The following RAPGEF6 variants were observed in gnomAD, a reference collection of about 807,000 sequenced individuals.
The protein encoded by RAPGEF6 is Rap guanine nucleotide exchange factor 6.
In RAPGEF6, 56 loss-of-function variants were observed where a neutral mutation model predicts 171.4. The ratio of observed to expected loss-of-function variants is 0.33; its 90% CI spans 0.26 to 0.41. The LOEUF (loss-of-function observed/expected upper bound fraction) is 0.41. Ranked by LOEUF, RAPGEF6 falls within the 10% of genes least tolerant of loss-of-function variation. RAPGEF6 has a pLI of 1.00. For synonymous variants in RAPGEF6, 692 were observed against 650.1 expected, an observed-to-expected ratio of 1.06 and a Z score of -0.98; for missense variants, 1,674 against 1,921.4, an observed-to-expected ratio of 0.87 and a Z score of 2.41.
intron 13 of RAPGEF6, among the ~76,000 whole-genome samples, chr5:131,493,134 G>C (rs905659832): frequency 6.6e-6 from 1 of 152,128 alleles, no homozygotes; most frequent in East Asian, 1.9e-4. Flanking sequence ...GCGCGATCTC[G>C]ACTCACTGCA....
intron 4 of RAPGEF6, among the ~76,000 whole-genome samples, chr5:131,578,971 T>C (rs770264791): frequency 6.6e-6 from 1 of 152,194 alleles, no homozygotes; most frequent in Admixed American, 6.5e-5. Context: ...ACTTCAAGAA[T>C]GAAGCCGCGG....
At chr5:131,451,339 T>C (rs1033423100) in intron 21 of RAPGEF6, among the ~76,000 whole-genome samples, 2 of 151,928 alleles carry the variant, frequency 1.3e-5, no homozygotes, top group African/African-American at 4.8e-5. Context: ...ATCCCAGCAC[T>C]TTGGCAGGCT....
chr5:131,572,290 C>T (rs1346137071), intron 4 of RAPGEF6, among the ~76,000 whole-genome samples: 1 of 152,170 alleles, frequency 6.6e-6, no homozygotes, highest in Non-Finnish European at 1.5e-5. Flanking sequence ...AGGACCATCT[C>T]ACCAATTTCA....
chr5:131,538,177 T>C (rs1759900080), intron 6 of RAPGEF6, among the ~76,000 whole-genome samples: 1 of 152,236 alleles, frequency 6.6e-6, no homozygotes, highest in Non-Finnish European at 1.5e-5. Context: ...ACACTGCATT[T>C]ACACTGTATT....
intron 4 of RAPGEF6, among the ~76,000 whole-genome samples, chr5:131,586,402 C>T (rs1041292189): frequency 2.0e-5 from 3 of 152,324 alleles, no homozygotes; most frequent in East Asian, 3.9e-4. Flanking sequence ...CCTCTAATCC[C>T]AGCACTTTGG....
intron 4 of RAPGEF6, among the ~76,000 whole-genome samples, chr5:131,574,080 G>A (rs2149982932): frequency 6.6e-6 from 1 of 152,236 alleles, no homozygotes; most frequent in African/African-American, 2.4e-5. Flanking sequence ...AAAACCTTCA[G>A]AACATCCAAG....
At chr5:131,430,138 T>C (rs560249927) in intron 26 of RAPGEF6, among the ~76,000 whole-genome samples, 2 of 151,912 alleles carry the variant, frequency 1.3e-5, no homozygotes, top group Non-Finnish European at 2.9e-5. Context: ...AATCAGCACA[T>C]TTCACCTTCA....
intron 5 of RAPGEF6, among the ~76,000 whole-genome samples, chr5:131,555,195 T>A (rs1258854759): frequency 1.3e-5 from 2 of 152,166 alleles, no homozygotes; most frequent in African/African-American, 2.4e-5. Context: ...CTAATAAATT[T>A]CTTGGTATCC....
Position 131,439,729 on chromosome 5 carries a change from C to T in RAPGEF6, c.3611-14G>A. On this transcript the variant is annotated splice_polypyrimidine_tract_variant and intron_variant, in intron 23 of 27. Transcript: ENST00000509018. ...GTAAACTTGTATCTAAAAATAAAACCAAAGATGCAAATAAGCATCGTTTCA... is the reference window on the plus strand; with the variant it reads ...GTAAACTTGTATCTAAAAATAAAACTAAAGATGCAAATAAGCATCGTTTCA... 3 of 1,607,406 alleles carry T rather than the reference C, an allele frequency of 1.9e-6. No individual in the cohort carries two copies. The highest frequency in any genetic ancestry group is 2.5e-6 in the Non-Finnish European group (3 of 1,177,850).
chr5:131,448,417 T>C (rs1304119948), intron 21 of RAPGEF6, among the ~76,000 whole-genome samples: 1 of 152,188 alleles, frequency 6.6e-6, no homozygotes, highest in Admixed American at 6.5e-5. Context: ...AAGCATAAAG[T>C]AGAAATTCTC....
intron 1 of RAPGEF6, among the ~76,000 whole-genome samples, chr5:131,619,779 T>C (rs1226289352): frequency 6.6e-6 from 1 of 152,208 alleles, no homozygotes; most frequent in Non-Finnish European, 1.5e-5. Flanking sequence ...GTAATATGGT[T>C]CTTTCTGGAT....
intron 4 of RAPGEF6, among the ~76,000 whole-genome samples, chr5:131,575,337 T>C (rs1202211580): frequency 1.3e-5 from 2 of 152,200 alleles, no homozygotes; most frequent in Non-Finnish European, 2.9e-5. Flanking sequence ...CCTTCTCCTC[T>C]GCAGCCCCTC....
At chr5:131,611,544 T>G (rs1477253055) in intron 1 of RAPGEF6, among the ~76,000 whole-genome samples, 1 of 152,074 alleles carries the variant, frequency 6.6e-6, no homozygotes, top group Non-Finnish European at 1.5e-5. Flanking sequence ...TGGTGGTGCA[T>G]GCCTACAATC....
chr5:131,540,419 A>C (rs1760056212), intron 6 of RAPGEF6, among the ~76,000 whole-genome samples: 1 of 152,158 alleles, frequency 6.6e-6, no homozygotes, highest in South Asian at 2.1e-4. Flanking sequence ...AAAAATACTT[A>C]GTCAAGTGTG....
chr5:131,602,885 T>C (rs956972722), intron 3 of RAPGEF6, among the ~76,000 whole-genome samples: 3 of 152,198 alleles, frequency 2.0e-5, no homozygotes, highest in African/African-American at 7.2e-5. Flanking sequence ...AAAGAACACA[T>C]ACAAAAACAG....
chr5:131,432,508 C>T (rs949488774), intron 25 of RAPGEF6, among the ~76,000 whole-genome samples: 1 of 152,108 alleles, frequency 6.6e-6, no homozygotes, highest in Non-Finnish European at 1.5e-5. Context: ...GTCCCAGCTA[C>T]TCGGGAGGCT....
intron 17 of RAPGEF6, among the ~76,000 whole-genome samples, chr5:131,471,836 T>C (rs1754762235): frequency 6.6e-6 from 1 of 152,166 alleles, no homozygotes; most frequent in Admixed American, 6.6e-5. Flanking sequence ...CAAATACAAC[T>C]TCAGCTTCAA....
intron 24 of RAPGEF6, among the ~76,000 whole-genome samples, chr5:131,434,267 A>G (rs1751887751): frequency 6.6e-6 from 1 of 152,200 alleles, no homozygotes; most frequent in Non-Finnish European, 1.5e-5. Flanking sequence ...TTTTAGACAC[A>G]GGGTCCTGCT....
intron 21 of RAPGEF6, 21 bp downstream of exon 21, chr5:131,453,033 T>C: frequency 6.2e-7 from 1 of 1,603,546 alleles, no homozygotes; most frequent in Non-Finnish European, 8.5e-7. Flanking sequence ...TCTAACACTT[T>C]TACATATTTC....
Sources: gnomAD v4.1 joint callset for allele counts (sites outside exome capture counted in the v4.1 genomes callset) on GRCh38, gnomAD v4.1.1 for gene constraint, MANE v1.5 for transcripts, NCBI Gene and HGNC (gene_info 2026-07-23, HGNC 2026-07-21) for gene names.